TENM3: variants seen among roughly 807,000 people sequenced by gnomAD.
The protein encoded by TENM3 is teneurin transmembrane protein 3.
In TENM3, 63 loss-of-function variants were observed where a neutral mutation model predicts 255.1. The observed-to-expected ratio is 0.25, with a 90% CI of 0.20 to 0.30. TENM3 has a LOEUF of 0.30. Ranked by LOEUF, TENM3 falls within the 10% of genes least tolerant of loss-of-function variation. TENM3 has a pLI of 1.00. For synonymous variants in TENM3, 1,306 were observed against 1,322.3 expected (o/e 0.99, Z 0.27); for missense variants, 2,929 against 3,461.1 (o/e 0.85, Z 3.86).
At chr4:182,083,560 TA>T in the TENM3 span, among the ~76,000 whole-genome samples, 2 of 152,214 alleles carry the variant, frequency 1.3e-5, no homozygotes, top group Admixed American at 1.3e-4. Flanking sequence ...TTTTAGACGT[TA>T]AAGGCATTGT....
intron 1 of TENM3, among the ~76,000 whole-genome samples, chr4:182,280,368 T>C (rs1239857442): frequency 6.6e-6 from 1 of 152,206 alleles, no homozygotes; most frequent in African/African-American, 2.4e-5. Context: ...GCAGAGACAC[T>C]GCTTCCAACC....
intron 4 of TENM3, among the ~76,000 whole-genome samples, chr4:182,621,765 AT>A (rs1750263559): frequency 5.2e-5 from 4 of 76,462 alleles, no homozygotes; most frequent in African/African-American, 1.6e-4. Flanking sequence ...ATATATAATA[AT>A]TATATATTAT....
intron 5 of TENM3, among the ~76,000 whole-genome samples, chr4:182,649,377 A>G (rs1321853685): frequency 6.6e-6 from 1 of 150,572 alleles, no homozygotes; most frequent in Non-Finnish European, 1.5e-5. Flanking sequence ...TATATATCTC[A>G]GATAGGCAGT....
chr4:182,722,733 A>G (rs1759840239), intron 13 of TENM3, among the ~76,000 whole-genome samples: 1 of 152,250 alleles, frequency 6.6e-6, no homozygotes, highest in African/African-American at 2.4e-5. Context: ...GCTAACATGT[A>G]GAGAATGGAT....
chr4:182,550,481 G>GT (rs1255780041), intron 3 of TENM3, among the ~76,000 whole-genome samples: 2 of 152,126 alleles, frequency 1.3e-5, no homozygotes, highest in Non-Finnish European at 2.9e-5. Flanking sequence ...TTTCTCTCAG[G>GT]TGGTAGCATC....
At chr4:182,579,002 C>T (rs762517667) in intron 3 of TENM3, among the ~76,000 whole-genome samples, 7 of 152,182 alleles carry the variant, frequency 4.6e-5, no homozygotes, top group Non-Finnish European at 8.8e-5. Flanking sequence ...TATTATTTTG[C>T]ACCTGCCTGA....
intron 1 of TENM3, among the ~76,000 whole-genome samples, chr4:182,173,785 C>T (rs898199086): frequency 3.3e-5 from 5 of 151,912 alleles, no homozygotes; most frequent in Admixed American, 1.3e-4. Flanking sequence ...AATCCAGCAG[C>T]GAAAGGAAGG....
At chr4:181,472,345 AC>A in the TENM3 span, among the ~76,000 whole-genome samples, 1 of 151,926 alleles carries the variant, frequency 6.6e-6, no homozygotes, top group Non-Finnish European at 1.5e-5. Flanking sequence ...TTACAACAAG[AC>A]ATTCGAGTGG....
chr4:182,414,997 G>A (rs1026459000), intron 3 of TENM3, among the ~76,000 whole-genome samples: 1 of 152,146 alleles, frequency 6.6e-6, no homozygotes, highest in Non-Finnish European at 1.5e-5. Context: ...TTCAACCTTC[G>A]TTATTGTGTT....
At chr4:181,767,396 T>G in the TENM3 span, among the ~76,000 whole-genome samples, 1 of 152,016 alleles carries the variant, frequency 6.6e-6, no homozygotes, top group Non-Finnish European at 1.5e-5. Context: ...TATATTCAAG[T>G]GAAAATCCAA....
the TENM3 span, among the ~76,000 whole-genome samples, chr4:181,587,313 C>T: frequency 6.6e-6 from 1 of 152,128 alleles, no homozygotes; most frequent in Non-Finnish European, 1.5e-5. Flanking sequence ...CAATCATCTC[C>T]CATTCACCTT....
intron 3 of TENM3, among the ~76,000 whole-genome samples, chr4:182,424,119 A>G (rs1322496167): frequency 6.6e-6 from 1 of 152,196 alleles, no homozygotes; most frequent in Non-Finnish European, 1.5e-5. Context: ...TGGTCATTCA[A>G]TTCTACTTCA....
At chr4:182,664,760 G>A (rs190553729) in intron 6 of TENM3, among the ~76,000 whole-genome samples, 424 of 152,226 alleles carry the variant, frequency 2.8e-3, no homozygotes, top group African/African-American at 9.3e-3. Flanking sequence ...CTGGATAGAC[G>A]ATCAAACCAG....
chr4:182,411,688 A>C (rs1365562034), intron 3 of TENM3, among the ~76,000 whole-genome samples: 3 of 152,120 alleles, frequency 2.0e-5, no homozygotes, highest in Non-Finnish European at 2.9e-5. Context: ...CTTCTCCTAA[A>C]TTCACTCTGC....
the TENM3 span, among the ~76,000 whole-genome samples, chr4:181,713,421 CCAGT>C: frequency 6.6e-6 from 1 of 152,240 alleles, no homozygotes; most frequent in South Asian, 2.1e-4. Context: ...TTAAACCTCA[CCAGT>C]CAGTCATATT....
In TENM3 at chr4:182,671,618, G is replaced by T. The variant is rs146533773; in HGVS notation, c.1112-1387G>T. On this transcript the variant is annotated intron_variant, in intron 6 of 27. Transcript: ENST00000511685. Reference sequence around the variant, plus strand: ...TTACTACTTGATAGCAGAAGCTATGGAAGTCTAGATAATCTCTAAGATTCT... The same window carrying T: ...TTACTACTTGATAGCAGAAGCTATGTAAGTCTAGATAATCTCTAAGATTCT... Among the ~76,000 whole-genome samples, 617 of 152,278 alleles carry T rather than the reference G, an allele frequency of 4.1e-3. 3 individuals are homozygous for T. The highest frequency in any genetic ancestry group is 0.014 in the African/African-American group (573 of 41,558).
rs191709837 is a variant in TENM3, at chr4:182,168,344, A to G, written c.-76+23590A>G. Among the ~76,000 whole-genome samples the G allele has an allele frequency of 4.7e-3, 719 of 152,252 alleles. 9 individuals carry two copies. Among genetic ancestry groups the G allele is most frequent in the African/African-American group, 0.016 (678 of 41,546 alleles). On this transcript the variant is annotated intron_variant, in intron 1 of 2. Transcript: ENST00000512480. Reference sequence around the variant, plus strand: ...GGGACTGGGTCTCACTATGTTGCCCAGGCTGATCTCAAACACCTGGGCTCA... The same window carrying G: ...GGGACTGGGTCTCACTATGTTGCCCGGGCTGATCTCAAACACCTGGGCTCA...
In TENM3 at chr4:182,161,826, C is replaced by CACATATATATGTATATATATAT. The variant is rs1751310168; in HGVS notation, c.-76+17084_-76+17085insATATATATATACATATATATGT. Among the ~76,000 whole-genome samples the CACATATATATGTATATATATAT allele has an allele frequency of 2.3e-4, 3 of 13,028 alleles. 1 individual carries two copies. Among genetic ancestry groups the CACATATATATGTATATATATAT allele is most frequent in the African/African-American group, 6.2e-4 (3 of 4,858 alleles). 8.5% of individuals were successfully genotyped at this position (13,028 alleles called of 152,430 possible). A position where few individuals can be genotyped will look rare whatever the true frequency, so the allele number is the denominator to read the frequency against. ...ATACACATATATATGTATATATATA[C>CACATATATATGTATATATATAT]ACATATATATGTGTATATATACACA... On this transcript the variant is annotated intron_variant, in intron 1 of 2. Coordinates refer to the TENM3 transcript ENST00000512480.
intron 3 of TENM3, among the ~76,000 whole-genome samples, chr4:182,394,907 G>A (rs1354796877): frequency 2.0e-5 from 3 of 152,146 alleles, no homozygotes; most frequent in Non-Finnish European, 4.4e-5. Context: ...AAGATAAATT[G>A]TTTGGGTTGT....
Sources: allele counts gnomAD v4.1 joint callset (sites outside exome capture counted in the v4.1 genomes callset), GRCh38; gene constraint gnomAD v4.1.1; transcripts MANE v1.5; gene names NCBI Gene and HGNC (gene_info 2026-07-23, HGNC 2026-07-21).